The following DNAJC24 variants were observed in gnomAD, a reference collection of about 807,000 sequenced individuals.
The protein encoded by DNAJC24 is dnaJ homolog subfamily C member 24.
In DNAJC24, 17 loss-of-function variants were observed where a neutral mutation model predicts 18.0. That is an observed-to-expected ratio of 0.94 (90% CI 0.65 to 1.42). DNAJC24 has a LOEUF of 1.42. Among genes scored for constraint, DNAJC24 ranks in the 40% most tolerant of loss-of-function variants. DNAJC24 has a pLI of 0.00. For synonymous variants in DNAJC24, 55 were observed against 57.7 expected (o/e 0.95, Z 0.21); for missense variants, 158 against 175.6 (o/e 0.90, Z 0.57).
chr11:31,376,375 A>C (rs1049427127), intron 2 of DNAJC24, among the ~76,000 whole-genome samples: 1 of 152,172 alleles, frequency 6.6e-6, no homozygotes, highest in Non-Finnish European at 1.5e-5. Context: ...AGTGGTCCTT[A>C]TATTACAGTT....
At chr11:31,408,042 C>G (rs1184792990) in intron 2 of DNAJC24, 2 of 452,940 alleles carry the variant, frequency 4.4e-6, no homozygotes, top group East Asian at 1.4e-4. Flanking sequence ...GATTAGTGAA[C>G]GAAAGGTATC....
chr11:31,427,382 G>A (rs921247501), intron 4 of DNAJC24: 5 of 151,970 alleles, frequency 3.3e-5, no homozygotes, highest in African/African-American at 1.2e-4. Context: ...TGGAAAAGTT[G>A]AGGTTTTGTG....
At chr11:31,405,842 A>G (rs1052561390) in intron 2 of DNAJC24, among the ~76,000 whole-genome samples, 3 of 152,220 alleles carry the variant, frequency 2.0e-5, no homozygotes, top group Non-Finnish European at 4.4e-5. Context: ...GCATCTGGCA[A>G]GAGTTTTCTG....
chr11:31,390,880 CCT>C (rs1201960623), intron 2 of DNAJC24, among the ~76,000 whole-genome samples: 8 of 151,970 alleles, frequency 5.3e-5, no homozygotes, highest in African/African-American at 1.9e-4. Flanking sequence ...CCATTATTAC[CCT>C]GATACCAAAA....
chr11:31,370,920 C>T (rs929781805), intron 2 of DNAJC24, 61 bp downstream of exon 2: 6 of 1,081,896 alleles, frequency 5.5e-6, no homozygotes, highest in African/African-American at 4.8e-5. Flanking sequence ...TTATATGAAA[C>T]CACAAATTTA....
chr11:31,399,203 A>C (rs1369813211), intron 2 of DNAJC24, among the ~76,000 whole-genome samples: 1 of 152,174 alleles, frequency 6.6e-6, no homozygotes, highest in Non-Finnish European at 1.5e-5. Flanking sequence ...ATATATTCAA[A>C]AGAGAAAAAA....
At chr11:31,419,593 T>C (rs1052996825) in intron 3 of DNAJC24, among the ~76,000 whole-genome samples, 1 of 152,032 alleles carries the variant, frequency 6.6e-6, no homozygotes, top group Non-Finnish European at 1.5e-5. Context: ...CTGGGACACT[T>C]GAACAGACTT....
At chr11:31,397,300 C>T (rs1218970695) in intron 2 of DNAJC24, among the ~76,000 whole-genome samples, 6 of 152,066 alleles carry the variant, frequency 3.9e-5, no homozygotes, top group Non-Finnish European at 4.4e-5. Context: ...CAGTTTTACA[C>T]GTGGGTTATA....
chr11:31,385,705 G>A (rs941711901), intron 2 of DNAJC24, among the ~76,000 whole-genome samples: 3 of 152,116 alleles, frequency 2.0e-5, no homozygotes, highest in Non-Finnish European at 4.4e-5. Context: ...ATTGTGAAAA[G>A]GTGATAGTAA....
intron 2 of DNAJC24, among the ~76,000 whole-genome samples, chr11:31,412,525 C>A (rs1250052633): frequency 6.6e-6 from 1 of 152,134 alleles, no homozygotes; most frequent in Non-Finnish European, 1.5e-5. Context: ...AACTTTAATG[C>A]AGCCAACTCC....
chr11:31,396,432 G>T lies in DNAJC24; in HGVS notation c.112-18379G>T, dbSNP rs569023866. On this transcript the variant is annotated intron_variant, in intron 2 of 4. Coordinates refer to ENST00000465995, the MANE Select transcript of DNAJC24 (RefSeq NM_181706.5). Reference sequence around the variant, plus strand: ...CTCAATTATATGCAAATTTTTATAAGATTCTTAGAGGAGTTCATAACTCAA... The same window carrying T: ...CTCAATTATATGCAAATTTTTATAATATTCTTAGAGGAGTTCATAACTCAA... 1.4e-3 allele frequency: 501 copies of T among 352,440 alleles called. 7 individuals carry two copies. The highest frequency in any genetic ancestry group is 0.011 in the South Asian group (460 of 42,370). The allele number at this position is 352,440 out of a possible 1,614,324, so 21.8% of individuals were successfully genotyped here. A position where few individuals can be genotyped will look rare whatever the true frequency, so the allele number is the denominator to read the frequency against.
chr11:31,392,526 T>C (rs1334685217), intron 2 of DNAJC24, among the ~76,000 whole-genome samples: 3 of 152,116 alleles, frequency 2.0e-5, no homozygotes, highest in African/African-American at 7.2e-5. Context: ...TATGTTGATA[T>C]TCTATCTTAA....
chr11:31,404,912 A>G (rs989759386), intron 2 of DNAJC24, among the ~76,000 whole-genome samples: 1 of 151,856 alleles, frequency 6.6e-6, no homozygotes, highest in Non-Finnish European at 1.5e-5. Context: ...ACCAAAACAC[A>G]AACACCAACC....
intron 2 of DNAJC24, among the ~76,000 whole-genome samples, chr11:31,393,447 T>C (rs1952517355): frequency 6.6e-6 from 1 of 152,184 alleles, no homozygotes; most frequent in Non-Finnish European, 1.5e-5. Flanking sequence ...TTAATCACTG[T>C]TGTAATGGTG....
In DNAJC24 at chr11:31,402,985, G is replaced by A. The variant is rs564631985; in HGVS notation, c.112-11826G>A. On this transcript the variant is annotated intron_variant, in intron 2 of 4. Transcript: ENST00000465995. ...TATATGCAGTTTGTCATTGACTGCAGCATCGTTATCTGGCACATGACGGTA... is the reference window on the plus strand; with the variant it reads ...TATATGCAGTTTGTCATTGACTGCAACATCGTTATCTGGCACATGACGGTA... Among the ~76,000 whole-genome samples the A allele has an allele frequency of 4.6e-5, 7 of 152,278 alleles. No homozygotes were observed. In the East Asian group the frequency reaches 1.4e-3, roughly 29 times the overall value.
At chr11:31,403,826 G>C (rs1952626710) in intron 2 of DNAJC24, among the ~76,000 whole-genome samples, 1 of 152,100 alleles carries the variant, frequency 6.6e-6, no homozygotes, top group Non-Finnish European at 1.5e-5. Flanking sequence ...AGGGTTCTTG[G>C]ATCTCATGCA....
At chr11:31,409,357 ATT>A (rs1952684907) in intron 2 of DNAJC24, among the ~76,000 whole-genome samples, 2 of 152,312 alleles carry the variant, frequency 1.3e-5, no homozygotes, top group African/African-American at 4.8e-5. Context: ...GATATAGCAC[ATT>A]TCTGTGCCTC....
chr11:31,398,002 C>T (rs1274741644), intron 2 of DNAJC24, among the ~76,000 whole-genome samples: 1 of 152,080 alleles, frequency 6.6e-6, no homozygotes, highest in East Asian at 1.9e-4. Context: ...GGGATTTCAT[C>T]ATGTTGGCCA....
chr11:31,419,407 G>T (rs867476508), intron 3 of DNAJC24, among the ~76,000 whole-genome samples: 1 of 151,934 alleles, frequency 6.6e-6, no homozygotes, highest in Non-Finnish European at 1.5e-5. Flanking sequence ...AGGTTCCCTC[G>T]CCCCAACTTA....
Sources: gnomAD v4.1 joint callset for allele counts (sites outside exome capture counted in the v4.1 genomes callset) on GRCh38, gnomAD v4.1.1 for gene constraint, MANE v1.5 for transcripts, NCBI Gene and HGNC (gene_info 2026-07-23, HGNC 2026-07-21) for gene names.